Variants in PCDHGA1 observed in about 807,000 individuals in gnomAD.
PCDHGA1 encodes protocadherin gamma subfamily A, 1, also known as protocadherin gamma-A1.
In PCDHGA1, 32 loss-of-function variants were observed where a neutral mutation model predicts 58.0. The observed-to-expected ratio is 0.55, with a 90% CI of 0.42 to 0.74. PCDHGA1 has a LOEUF of 0.74. Among genes scored for constraint, PCDHGA1 ranks in the 30% least tolerant of loss-of-function variants. PCDHGA1 has a pLI of 0.00. For synonymous variants in PCDHGA1, 498 were observed against 501.1 expected, an observed-to-expected ratio of 0.99 and a Z score of 0.08; for missense variants, 1,205 against 1,182.3, an observed-to-expected ratio of 1.02 and a Z score of -0.28.
chr5:141,441,819 G>A (rs1040935030), intron 1 of PCDHGA1: 6 of 359,092 alleles, frequency 1.7e-5, no homozygotes, highest in Non-Finnish European at 3.3e-5. Context: ...CCCCAGCTCT[G>A]GAGCGCAATG....
chr5:141,345,107 A>G, intron 1 of PCDHGA1: 1 of 1,614,056 alleles, frequency 6.2e-7, no homozygotes, highest in Middle Eastern at 1.6e-4. Flanking sequence ...CAGTCCCAGA[A>G]GAGGGCACCG....
At chr5:141,443,029 C>T (rs1281303741) in intron 1 of PCDHGA1, among the ~76,000 whole-genome samples, 3 of 152,192 alleles carry the variant, frequency 2.0e-5, no homozygotes, top group Non-Finnish European at 2.9e-5. Flanking sequence ...AGTTGCCAGA[C>T]CTAAACTTTG....
chr5:141,359,225 G>A (rs932718388), intron 1 of PCDHGA1, among the ~76,000 whole-genome samples: 4 of 152,074 alleles, frequency 2.6e-5, no homozygotes, highest in Admixed American at 2.6e-4. Context: ...TACATCTGAG[G>A]AGAGATTGTT....
At chr5:141,346,182 C>A (rs763074120) in intron 1 of PCDHGA1, 27 of 1,613,912 alleles carry the variant, frequency 1.7e-5, no homozygotes, top group South Asian at 2.2e-5. Context: ...GCTCAGGCTG[C>A]GGCGCTGGCA....
intron 1 of PCDHGA1, chr5:141,384,566 A>G (rs1313512011): frequency 6.2e-7 from 1 of 1,614,244 alleles, no homozygotes; most frequent in African/African-American, 1.3e-5. Flanking sequence ...CTGGACCAGA[A>G]TGACAACCCG....
rs149806642 is a variant in PCDHGA1 at position 141,502,449 on chromosome 5, A to T, written c.2481-2944A>T. 7.7e-3 allele frequency among the ~76,000 whole-genome samples: 1,166 copies of T among 151,886 alleles called. 15 individuals carry two copies. The highest frequency in any genetic ancestry group is 0.027 in the African/African-American group (1,103 of 41,308). On this transcript the variant is annotated intron_variant, in intron 2 of 3. Coordinates refer to ENST00000517417, the MANE Select transcript of PCDHGA1 (RefSeq NM_018912.3). The stretch of plus-strand genomic sequence containing the variant: ...TCTGATGGTTAGATTCAGATTACAC[A>T]CCTTGGTAGGAATACTTCCCGCAGC...
intron 1 of PCDHGA1, chr5:141,339,653 A>G (rs759903842): frequency 1.1e-5 from 17 of 1,614,060 alleles, no homozygotes; most frequent in Middle Eastern, 3.3e-4. Flanking sequence ...CACCTCCCGC[A>G]TCTGCGTGAA....
At chr5:141,458,630 C>T (rs575289408) in intron 1 of PCDHGA1, among the ~76,000 whole-genome samples, 1 of 151,864 alleles carries the variant, frequency 6.6e-6, no homozygotes, top group Admixed American at 6.6e-5. Flanking sequence ...AGTGCAGTGG[C>T]ACAATCCCAG....
At chr5:141,408,513 T>C in intron 1 of PCDHGA1, 2 of 1,614,034 alleles carry the variant, frequency 1.2e-6, no homozygotes, top group East Asian at 4.5e-5. Context: ...AGATGTGAGT[T>C]GCAATTGGAA....
rs1561856520 is a variant in PCDHGA1 at position 141,431,983 on chromosome 5, A to C, written c.2422-62824A>C. 3.1e-6 allele frequency: 5 copies of C among 1,614,242 alleles called. No homozygotes were observed. Among genetic ancestry groups the C allele is most frequent in the Non-Finnish European group, 4.2e-6 (5 of 1,180,036 alleles). ...ATTACTATAGTTTAGTCACAGACAT[A>C]GTCTTGGATAGGGAACAGGTTCCTA... On this transcript the variant is annotated intron_variant, in intron 1 of 3. Coordinates refer to ENST00000517417, the MANE Select transcript of PCDHGA1 (RefSeq NM_018912.3). The surrounding 1 kb of genome is among the most constrained non-coding windows in gnomAD (Gnocchi z 4.8).
chr5:141,331,794 T>C lies in PCDHGA1; in HGVS notation c.1110T>C (p.Ser370=). 6.2e-7 allele frequency: 1 copy of C among 1,614,200 alleles called. No individual in the cohort carries two copies. The highest frequency in any genetic ancestry group is 8.5e-7 in the Non-Finnish European group (1 of 1,180,028). ...FPPGTIIALI[S]VHDQDSGDNG... is the part of the protein sequence containing the mutation. ...CTGGGACCATAATTGCTCTTATCAG[T>C]GTGCATGACCAGGACTCAGGAGACA... Residue 370 remains serine, a synonymous_variant, in exon 1 of 4, where the codon AGT becomes AGC. Transcript: ENST00000517417.
chr5:141,419,354 C>G (rs1444462815), intron 1 of PCDHGA1: 1 of 1,613,828 alleles, frequency 6.2e-7, no homozygotes, highest in Admixed American at 1.7e-5. Flanking sequence ...CCTGGAGTCA[C>G]GAACGCTGTC....
At chr5:141,500,184 T>A (rs889800014) in intron 2 of PCDHGA1, among the ~76,000 whole-genome samples, 89 of 135,966 alleles carry the variant, frequency 6.5e-4, no homozygotes, top group African/African-American at 2.4e-3. Flanking sequence ...TCATTTTTAT[T>A]TTTATTTATT....
At position 141,511,313 on chromosome 5, in the gene PCDHGA1, CAGAA is replaced by C; in HGVS notation, c.*142_*145del. The C allele has an allele frequency of 2.0e-6, 3 of 1,482,944 alleles. No homozygotes were observed. In the South Asian group the frequency reaches 4.1e-5, roughly 20 times the overall value. 91.9% of individuals were successfully genotyped at this position (1,482,944 alleles called of 1,614,324 possible). ...CCAAGGCCATGCTCCCCTTGGGAAA[CAGAA>C]ACAAGTGCCCAGTCAGCACCTACCC... On this transcript the variant is annotated 3_prime_UTR_variant, in exon 4 of 4. Transcript: ENST00000517417.
intron 1 of PCDHGA1, chr5:141,375,340 C>T (rs1177631226): frequency 1.2e-6 from 2 of 1,613,836 alleles, no homozygotes; most frequent in African/African-American, 1.3e-5. Context: ...TCTTGTACAA[C>T]ATCACTGTGA....
At chr5:141,409,567 G>T (rs974585499) in intron 1 of PCDHGA1, 2 of 1,613,896 alleles carry the variant, frequency 1.2e-6, no homozygotes, top group Non-Finnish European at 1.7e-6. Context: ...TCGACCAGAC[G>T]TCCTACGTGG....
At chr5:141,445,490 C>A (rs1181158971) in intron 1 of PCDHGA1, among the ~76,000 whole-genome samples, 1 of 152,134 alleles carries the variant, frequency 6.6e-6, no homozygotes, top group African/African-American at 2.4e-5. Flanking sequence ...AGTTAATGGG[C>A]CCTATTCTAA....
At chr5:141,372,743 T>G (rs989554651) in intron 1 of PCDHGA1, 2 of 1,613,618 alleles carry the variant, frequency 1.2e-6, no homozygotes, top group Admixed American at 1.7e-5. Context: ...TTCTATGTGA[T>G]GAAGCCTCTT....
At position 141,422,424 on chromosome 5, in the gene PCDHGA1, T is replaced by C. The variant is rs1182660567; in HGVS notation, c.2422-72383T>C. The C allele has an allele frequency of 2.5e-6, 4 of 1,608,076 alleles. No homozygotes were observed. The East Asian group carries it at 6.7e-5, about 27-fold the overall frequency. On this transcript the variant is annotated intron_variant, in intron 1 of 3. Transcript: ENST00000517417. ...TGCCTTTTAAATTAGAAAAGACTTA[T>C]GGAAATTATTACAAATTGATAACAA...
Sources: allele counts gnomAD v4.1 joint callset (sites outside exome capture counted in the v4.1 genomes callset), GRCh38; gene constraint gnomAD v4.1.1; non-coding constraint Gnocchi (gnomAD v3.1); transcripts MANE v1.5; gene names NCBI Gene and HGNC (gene_info 2026-07-23, HGNC 2026-07-21).